The following SLC5A4 variants were observed in gnomAD, a reference collection of about 807,000 sequenced individuals.
SLC5A4 encodes probable glucose sensor protein SLC5A4.
Under a neutral mutation model 70.3 loss-of-function variants are expected in SLC5A4, and 55 were observed. The observed-to-expected ratio is 0.78, with a 90% confidence interval of 0.63 to 0.98. SLC5A4 has a LOEUF of 0.98. SLC5A4 is among the 50% of genes least tolerant of loss of function. The pLI is 0.00. For synonymous variants in SLC5A4, 268 were observed against 305.7 expected (o/e 0.88, Z 1.29); for missense variants, 735 against 839.2 (o/e 0.88, Z 1.53).
intron 13 of SLC5A4, 103 bp downstream of exon 13, chr22:32,224,164 C>G (rs1032819925): frequency 1.2e-6 from 1 of 819,694 alleles, no homozygotes; most frequent in Non-Finnish European, 2.0e-6. Flanking sequence ...TCGTGATCCG[C>G]CCGCCTTGGC....
At chr22:32,308,963 C>CCTAG in the SLC5A4 span, among the ~76,000 whole-genome samples, 1 of 152,188 alleles carries the variant, frequency 6.6e-6, no homozygotes, top group Non-Finnish European at 1.5e-5. Context: ...CCTACCTAGA[C>CCTAG]AGTCTCACTC....
the SLC5A4 span, among the ~76,000 whole-genome samples, chr22:32,263,014 C>T: frequency 1.1e-4 from 17 of 152,046 alleles, no homozygotes; most frequent in Non-Finnish European, 2.1e-4. Flanking sequence ...GTGATCCACC[C>T]GCCTCGACCT....
the SLC5A4 span, among the ~76,000 whole-genome samples, chr22:32,349,672 TAAG>T: frequency 2.0e-5 from 3 of 152,222 alleles, no homozygotes; most frequent in South Asian, 4.1e-4. Flanking sequence ...CTATTTTTCT[TAAG>T]AAGTATTTGA....
chr22:32,283,527 T>C, the SLC5A4 span, among the ~76,000 whole-genome samples: 1 of 152,186 alleles, frequency 6.6e-6, no homozygotes, highest in Non-Finnish European at 1.5e-5. Flanking sequence ...TGTTTGCCAA[T>C]TCCCATGGTA....
intron 11 of SLC5A4, among the ~76,000 whole-genome samples, chr22:32,228,343 C>T (rs1428669262): frequency 6.6e-6 from 1 of 152,008 alleles, no homozygotes; most frequent in Non-Finnish European, 1.5e-5. Flanking sequence ...GAGTTTGAGA[C>T]CAGCCCGGCC....
intron 8 of SLC5A4, 36 bp from the exon 9 acceptor site, chr22:32,233,070 C>T (rs1271762826): frequency 6.3e-7 from 1 of 1,592,618 alleles, no homozygotes. Context: ...TGAAACAAGC[C>T]AGGGGATGAT....
intron 12 of SLC5A4, among the ~76,000 whole-genome samples, chr22:32,225,045 A>C (rs1925311762): frequency 6.6e-6 from 1 of 152,188 alleles, no homozygotes; most frequent in Non-Finnish European, 1.5e-5. Flanking sequence ...CCCACTTACT[A>C]ATATTAAGTA....
At chr22:32,271,397 G>A in the SLC5A4 span, 1 of 765,244 alleles carries the variant, frequency 1.3e-6, no homozygotes, top group East Asian at 2.8e-5. Flanking sequence ...ACCTGCTGGT[G>A]CATGTGGACC....
At chr22:32,272,628 C>T in the SLC5A4 span, 1 of 595,330 alleles carries the variant, frequency 1.7e-6, no homozygotes, top group East Asian at 3.0e-5. Flanking sequence ...CGACTGCAGC[C>T]TCATGGTGTA....
rs577527298 is a variant in SLC5A4, at chr22:32,233,014, C to A, written c.906G>T (p.Leu302=). The A allele has an allele frequency of 6.2e-7, 1 of 1,614,012 alleles. No homozygotes were observed. Among genetic ancestry groups the A allele is most frequent in the East Asian group, 2.2e-5 (1 of 44,878 alleles). Residue 302 remains leucine (L), a synonymous_variant, in exon 9 of 15, where the codon CTG becomes CTT. Transcript: ENST00000266086. ...TCACGTGAGACATGTCCTTGCCACA[C>A]AGGCAGCGCTGCACAATGACCTGCC... is the stretch of plus-strand genomic sequence containing the variant. ...CTNQVIVQRC[L]CGKDMSHVKA...
Position 32,254,168 on chromosome 22 carries a change from CG to C in SLC5A4, c.180del (p.Ala61LeufsTer39). ...GGCCACCAGGCCATATCACGACCAG[CG>C]AGGAAGAAGCCTCCTATAGTACCTC... is the stretch of plus-strand genomic sequence containing the variant. ...TNRGTIGGFFLAGRDMAWWPM... is the reference protein window; with the variant it reads ...TNRGTIGGFFXAGRDMAWWPM... On this transcript the variant is annotated frameshift_variant, in exon 2 of 15. Coordinates refer to ENST00000266086, the MANE Select transcript of SLC5A4 (RefSeq NM_014227.3). LOFTEE classifies it high-confidence loss of function. 4 of 1,613,906 alleles carry C rather than the reference CG, an allele frequency of 2.5e-6. No homozygotes were observed. Among genetic ancestry groups the C allele is most frequent in the Non-Finnish European group, 3.4e-6 (4 of 1,179,828 alleles).
chr22:32,247,206 C>T (rs1926879117), intron 5 of SLC5A4, among the ~76,000 whole-genome samples: 1 of 152,152 alleles, frequency 6.6e-6, no homozygotes, highest in Non-Finnish European at 1.5e-5. Context: ...ACTTAAAAGT[C>T]TACCACTCTA....
chr22:32,331,132 GTGTCTGTGTGTTGGAGGCTCTGGT>G, the SLC5A4 span, among the ~76,000 whole-genome samples: 1 of 96,976 alleles, frequency 1.0e-5, no homozygotes, highest in Non-Finnish European at 2.5e-5. Flanking sequence ...AGGCTCTGGT[GTGTCTGTGTGTTGGAGGCTCTGGT>G]GTGTGTGTTG....
At chr22:32,330,063 A>G in the SLC5A4 span, among the ~76,000 whole-genome samples, 4 of 11,770 alleles carry the variant, frequency 3.4e-4, no homozygotes, top group Admixed American at 1.2e-3. Context: ...GGGGCTCTAG[A>G]GTGTGTGTGT....
intron 3 of SLC5A4, among the ~76,000 whole-genome samples, chr22:32,249,837 C>A (rs1409591617): frequency 6.6e-6 from 1 of 152,212 alleles, no homozygotes; most frequent in Non-Finnish European, 1.5e-5. Flanking sequence ...CAACCTGTGG[C>A]CCAAGCTGGC....
chr22:32,310,070 AGGACGGG>A, the SLC5A4 span, among the ~76,000 whole-genome samples: 4 of 17,404 alleles, frequency 2.3e-4, no homozygotes, highest in African/African-American at 8.6e-4. Context: ...GGGGGGAGGG[AGGACGGG>A]GGATGGGGGG....
chr22:32,299,363 C>G, the SLC5A4 span, among the ~76,000 whole-genome samples: 11 of 144,170 alleles, frequency 7.6e-5, no homozygotes, highest in East Asian at 2.0e-3. Flanking sequence ...TCTTTTTATT[C>G]TTTTTTCTCT....
the SLC5A4 span, among the ~76,000 whole-genome samples, chr22:32,266,585 C>A: frequency 2.6e-5 from 4 of 151,992 alleles, no homozygotes; most frequent in Admixed American, 1.3e-4. Context: ...AAATACTGGC[C>A]ACGGGCAATG....
the SLC5A4 span, among the ~76,000 whole-genome samples, chr22:32,351,931 T>C: frequency 6.0e-5 from 9 of 151,034 alleles, no homozygotes; most frequent in African/African-American, 1.2e-4. Context: ...AAGAAAATGA[T>C]GATAAGCAGA....
Sources: allele counts gnomAD v4.1 joint callset (sites outside exome capture counted in the v4.1 genomes callset), GRCh38; gene constraint gnomAD v4.1.1; transcripts MANE v1.5; gene names NCBI Gene and HGNC (gene_info 2026-07-23, HGNC 2026-07-21).